The following TENM2 variants were observed in gnomAD, a reference collection of about 807,000 sequenced individuals.
The protein encoded by TENM2 is teneurin-2.
In TENM2, 52 loss-of-function variants were observed where a neutral mutation model predicts 245.2. The observed-to-expected ratio is 0.21, with a 90% CI of 0.17 to 0.27. The LOEUF is 0.27. Ranked by LOEUF, TENM2 falls within the 10% of genes least tolerant of loss-of-function variation. The probability of loss-of-function intolerance (pLI) is 1.00; values close to 1 mark genes in which losing one functional copy is unlikely to be tolerated. For synonymous variants in TENM2, 1,363 were observed against 1,438.9 expected, an observed-to-expected ratio of 0.95 and a Z score of 1.19; for missense variants, 3,046 against 3,666.8, an observed-to-expected ratio of 0.83 and a Z score of 4.37.
chr5:167,615,169 T>A (rs1440052145), intron 2 of TENM2, among the ~76,000 whole-genome samples: 1 of 152,184 alleles, frequency 6.6e-6, no homozygotes, highest in African/African-American at 2.4e-5. Flanking sequence ...ATTTTTATTA[T>A]AACAATATTT....
In TENM2 at chr5:168,231,715, GGCAATATAGCAAAACC is replaced by G. The variant is rs553910210; in HGVS notation, c.5520+3602_5520+3617del. Among the ~76,000 whole-genome samples, 999 of 151,588 alleles carry G rather than the reference GGCAATATAGCAAAACC, an allele frequency of 6.6e-3. 5 individuals carry two copies. Among genetic ancestry groups the G allele is most frequent in the African/African-American group, 0.022 (898 of 41,324 alleles). ...AGGGGTTCAAGACAAGACCAGCCTA[GGCAATATAGCAAAACC>G]GCAATATAGCAAAACCCTGTCTCTA... On this transcript the variant is annotated intron_variant, in intron 25 of 28. Transcript: ENST00000518659.
chr5:167,781,983 G>A (rs997726480), intron 2 of TENM2, among the ~76,000 whole-genome samples: 2 of 149,968 alleles, frequency 1.3e-5, no homozygotes, highest in South Asian at 4.2e-4. Flanking sequence ...CTCCAGTCTG[G>A]GTGACAGAAT....
chr5:168,241,929 T>A (rs1249639338), intron 25 of TENM2, among the ~76,000 whole-genome samples: 3 of 152,116 alleles, frequency 2.0e-5, no homozygotes, highest in Admixed American at 6.6e-5. Context: ...GGGAAAGCAA[T>A]CCTTGGCTGT....
At position 167,588,604 on chromosome 5, in the gene TENM2, G is replaced by A. The variant is rs1775666974; in HGVS notation, c.502+213131G>A. ...TCCATTTCTGTTCCCACAATCACTT[G>A]GGAAGCTAAAACAAAACAACAACAA... On this transcript the variant is annotated intron_variant, in intron 2 of 28. Transcript: ENST00000518659. Among the ~76,000 whole-genome samples the A allele has an allele frequency of 1.3e-5, 2 of 152,070 alleles. 1 individual carries two copies. Among genetic ancestry groups the A allele is most frequent in the Admixed American group, 1.3e-4 (2 of 15,264 alleles).
intron 2 of TENM2, among the ~76,000 whole-genome samples, chr5:167,687,999 C>T (rs1757188253): frequency 6.6e-6 from 1 of 152,156 alleles, no homozygotes; most frequent in African/African-American, 2.4e-5. Context: ...TTAACAGTTA[C>T]TCTGTGCCAG....
At chr5:167,391,735 T>G (rs1761772073) in intron 2 of TENM2, among the ~76,000 whole-genome samples, 1 of 151,966 alleles carries the variant, frequency 6.6e-6, no homozygotes, top group South Asian at 2.1e-4. Flanking sequence ...GATTTGGGGC[T>G]TATTCATTTT....
At chr5:167,733,839 G>A (rs1392755764) in intron 2 of TENM2, among the ~76,000 whole-genome samples, 6 of 151,882 alleles carry the variant, frequency 4.0e-5, no homozygotes, top group East Asian at 2.0e-4. Context: ...CATGTATTGC[G>A]TATATATGTG....
At chr5:167,014,381 G>A in the TENM2 span, among the ~76,000 whole-genome samples, 1 of 152,034 alleles carries the variant, frequency 6.6e-6, no homozygotes, top group Non-Finnish European at 1.5e-5. Context: ...GTTAAATTCT[G>A]TGGGTCTCAA....
At chr5:167,308,839 G>A (rs955687055) in intron 1 of TENM2, among the ~76,000 whole-genome samples, 6 of 152,096 alleles carry the variant, frequency 3.9e-5, no homozygotes, top group African/African-American at 7.2e-5. Context: ...AGTTTCTAAC[G>A]TGAAGACACA....
intron 2 of TENM2, among the ~76,000 whole-genome samples, chr5:167,819,201 C>A (rs148333567): frequency 0.024 from 3,632 of 152,268 alleles, 71 homozygotes; most frequent in South Asian, 0.058. Context: ...GAGAGTGGGA[C>A]TTCCCCTGTC....
At chr5:167,195,204 C>T in the TENM2 span, among the ~76,000 whole-genome samples, 7 of 151,988 alleles carry the variant, frequency 4.6e-5, no homozygotes, top group Non-Finnish European at 8.8e-5. Context: ...CTGTGTACTT[C>T]TGCTAACATC....
At chr5:168,080,451 GTTA>G (rs1168289663) in intron 7 of TENM2, among the ~76,000 whole-genome samples, 1 of 152,134 alleles carries the variant, frequency 6.6e-6, no homozygotes, top group Admixed American at 6.5e-5. Flanking sequence ...TCTGATCTTA[GTTA>G]TTTCTTGCCT....
At chr5:167,143,815 C>G in the TENM2 span, among the ~76,000 whole-genome samples, 1 of 152,146 alleles carries the variant, frequency 6.6e-6, no homozygotes, top group African/African-American at 2.4e-5. Context: ...CTAATTATAT[C>G]CACATATATA....
chr5:168,238,629 G>A (rs991624642), intron 25 of TENM2, among the ~76,000 whole-genome samples: 3 of 152,212 alleles, frequency 2.0e-5, no homozygotes, highest in Non-Finnish European at 2.9e-5. Context: ...CTGGAGCTAA[G>A]TTAGAGTCAC....
At chr5:168,201,767 TCTTTC>T (rs1484972640) in intron 17 of TENM2, among the ~76,000 whole-genome samples, 3 of 152,204 alleles carry the variant, frequency 2.0e-5, no homozygotes, top group Non-Finnish European at 4.4e-5. Flanking sequence ...AGTTCTTTCA[TCTTTC>T]CTTATCTTTC....
At chr5:168,214,481 T>C (rs1170426057) in intron 20 of TENM2, among the ~76,000 whole-genome samples, 3 of 152,216 alleles carry the variant, frequency 2.0e-5, no homozygotes, top group Non-Finnish European at 2.9e-5. Flanking sequence ...ACTTTATCCA[T>C]GTCCACACTG....
At chr5:167,137,517 G>A in the TENM2 span, among the ~76,000 whole-genome samples, 1 of 152,120 alleles carries the variant, frequency 6.6e-6, no homozygotes, top group Non-Finnish European at 1.5e-5. Flanking sequence ...CTCTAAATTC[G>A]GGAATCTCCC....
chr5:167,210,271 C>T, the TENM2 span, among the ~76,000 whole-genome samples: 1 of 152,148 alleles, frequency 6.6e-6, no homozygotes, highest in Non-Finnish European at 1.5e-5. Flanking sequence ...TTTCTTACCA[C>T]CTTACTGTGC....
intron 2 of TENM2, among the ~76,000 whole-genome samples, chr5:167,591,167 G>C (rs755507686): frequency 2.0e-5 from 3 of 152,080 alleles, no homozygotes; most frequent in Non-Finnish European, 2.9e-5. Context: ...GCAAAGAAAG[G>C]GTTCCTTGGT....
Sources: allele counts gnomAD v4.1 joint callset (sites outside exome capture counted in the v4.1 genomes callset), GRCh38; gene constraint gnomAD v4.1.1; transcripts MANE v1.5; gene names NCBI Gene and HGNC (gene_info 2026-07-23, HGNC 2026-07-21).